ZNF623: variants seen among roughly 807,000 people sequenced by gnomAD.
ZNF623 encodes zinc finger protein 623.
Under a neutral mutation model 24.0 loss-of-function variants are expected in ZNF623, and 16 were observed. That is an observed-to-expected ratio of 0.67 (90% confidence interval 0.45 to 1.01). The LOEUF is 1.01. Ranked by LOEUF, ZNF623 falls within the 50% of genes least tolerant of loss-of-function variation. The probability of loss-of-function intolerance (pLI) is 0.00; values close to 1 mark genes in which losing one functional copy is unlikely to be tolerated. For synonymous variants in ZNF623, 224 were observed against 219.8 expected (o/e 1.02, Z -0.17); for missense variants, 566 against 606.5 (o/e 0.93, Z 0.70).
intron 1 of ZNF623, 57 bp from the exon 2 acceptor site, chr8:143,649,841 A>G (rs748074531): frequency 2.5e-6 from 4 of 1,568,632 alleles, no homozygotes; most frequent in East Asian, 2.3e-5. Context: ...GCCCTGATTC[A>G]GGAGATCCCC....
chr8:143,650,865 T>C lies in ZNF623; in HGVS notation c.873T>C (p.Ser291=), dbSNP rs373694021. Residue 291 remains serine, a synonymous_variant, in exon 2 of 2, where the codon AGT becomes AGC. Transcript: ENST00000526926. The surrounding 1 kb of genome is among the most constrained non-coding windows in gnomAD (Gnocchi z 5.2). ...AGTGTGGGAAAGCCTTTATTCGGAG[T>C]TCAAAGCTCATTCAGCATCAGAGGA... ...CNECGKAFIR[S]SKLIQHQRIH... 44 of 1,613,270 alleles carry C rather than the reference T, an allele frequency of 2.7e-5. No homozygotes were observed. The Middle Eastern group carries it at 9.9e-4, about 36-fold the overall frequency.
Position 143,650,370 on chromosome 8 carries a change from T to C in ZNF623, c.378T>C (p.Leu126=), listed in dbSNP as rs1815271341. 1.2e-6 allele frequency: 2 copies of C among 1,614,072 alleles called. No homozygotes were observed. The highest frequency in any genetic ancestry group is 1.7e-6 in the Non-Finnish European group (2 of 1,180,038). ...CGKGFGQSSH[L]MEHQRIHTGE... ...AAGGCTTTGGCCAGAGCTCACACCT[T>C]ATGGAGCATCAGAGAATTCACACTG... Residue 126 remains leucine (L), a synonymous_variant, in exon 2 of 2, where the codon CTT becomes CTC. Transcript: ENST00000526926. This position sits in a 1 kb window ranked among gnomAD's most constrained non-coding sequence, Gnocchi z 5.2.
chr8:143,637,855 A>G (rs908088938), intron 1 of ZNF623, among the ~76,000 whole-genome samples: 10 of 152,086 alleles, frequency 6.6e-5, no homozygotes, highest in Admixed American at 1.3e-4. Flanking sequence ...GCCTCAGGTG[A>G]TGTTTTATCC....
intron 1 of ZNF623, among the ~76,000 whole-genome samples, chr8:143,645,683 C>G (rs1476338045): frequency 1.3e-5 from 2 of 152,146 alleles, no homozygotes; most frequent in Non-Finnish European, 2.9e-5. Flanking sequence ...CGCCTGCTTT[C>G]CTCCACGTCC....
intron 1 of ZNF623, among the ~76,000 whole-genome samples, chr8:143,637,536 ATATTTATTTATT>A (rs72024244): frequency 4.6e-5 from 7 of 150,738 alleles, no homozygotes; most frequent in Non-Finnish European, 8.9e-5. Context: ...ATTTCAAGTG[ATATTTATTTATT>A]TATTTATTTA....
At chr8:143,639,147 C>T (rs202170215) in intron 1 of ZNF623, among the ~76,000 whole-genome samples, 1 of 151,990 alleles carries the variant, frequency 6.6e-6, no homozygotes, top group Non-Finnish European at 1.5e-5. Flanking sequence ...CTGCCTCGGC[C>T]TCCCAAAGTG....
At chr8:143,641,170 C>T (rs549886285) in intron 1 of ZNF623, among the ~76,000 whole-genome samples, 19 of 152,130 alleles carry the variant, frequency 1.2e-4, no homozygotes, top group Non-Finnish European at 2.8e-4. Context: ...ATGTTTTGAC[C>T]TCCTCCCATA....
At position 143,642,837 on chromosome 8, in the gene ZNF623, G is replaced by T. The variant is rs149259539; in HGVS notation, c.-96+6692G>T. ...GTTTTAGATTCCTGTTACCTGCCGG[G>T]CACCTGGCATGGGTGTGGAGGGCAG... On this transcript the variant is annotated intron_variant, in intron 1 of 1. Transcript: ENST00000526926. Among the ~76,000 whole-genome samples the T allele has an allele frequency of 4.6e-3, 694 of 152,300 alleles. 10 individuals are homozygous for T. In the South Asian group the frequency reaches 0.047, roughly 10 times the overall value.
At chr8:143,646,418 T>C (rs1815176641) in intron 1 of ZNF623, among the ~76,000 whole-genome samples, 2 of 152,186 alleles carry the variant, frequency 1.3e-5, no homozygotes, top group Non-Finnish European at 2.9e-5. Context: ...ATGAAATGTA[T>C]TACTTTATGC....
Position 143,650,557 on chromosome 8 carries a change from C to G in ZNF623, c.565C>G (p.His189Asp). ...AGACCTGATTAGGCACCAGAGAGTTCACACCAGAGAGAGACCTTTTGAATG... is the reference window on the plus strand; with the variant it reads ...AGACCTGATTAGGCACCAGAGAGTTGACACCAGAGAGAGACCTTTTGAATG... ...SSDLIRHQRV[H>D]TRERPFECKE... The change falls in exon 2 of 2, where the codon CAC becomes GAC. Residue 189 changes from histidine to aspartate, a missense_variant. By Grantham distance (81) the His-to-Asp change is moderately conservative. Coordinates refer to ENST00000526926, the MANE Select transcript of ZNF623 (RefSeq NM_001261843.2). This position sits in a 1 kb window ranked among gnomAD's most constrained non-coding sequence, Gnocchi z 5.2. The G allele has an allele frequency of 6.2e-6, 10 of 1,614,210 alleles. No individual in the cohort carries two copies. The highest frequency in any genetic ancestry group is 8.5e-6 in the Non-Finnish European group (10 of 1,180,040).
chr8:143,647,487 A>G (rs527584452), intron 1 of ZNF623, among the ~76,000 whole-genome samples: 1 of 152,322 alleles, frequency 6.6e-6, no homozygotes, highest in East Asian at 1.9e-4. Context: ...TAGTGTGACT[A>G]GGAGGGACTC....
rs1354277728 is a variant in ZNF623 at position 143,651,065 on chromosome 8, C to T, written c.1073C>T (p.Thr358Ile). 1.2e-6 allele frequency: 2 copies of T among 1,614,182 alleles called. No homozygotes were observed. The highest frequency in any genetic ancestry group is 1.7e-6 in the Non-Finnish European group (2 of 1,180,046). ...CTTATTCGACACCAGAAAATCCACA[C>T]TGGAGAGAGAGTGTATGAATGTAAG... ...SYLIRHQKIHTGERVYECKEC... is the reference protein window; with the variant it reads ...SYLIRHQKIHIGERVYECKEC... Residue 358 changes from threonine (T) to isoleucine (I), a missense_variant, in exon 2 of 2, where the codon ACT (threonine) becomes ATT (isoleucine). By Grantham distance (89) the Thr-to-Ile change is moderately conservative. Coordinates refer to ENST00000526926, the MANE Select transcript of ZNF623 (RefSeq NM_001261843.2).
intron 1 of ZNF623, among the ~76,000 whole-genome samples, chr8:143,648,878 G>A (rs1428549823): frequency 6.6e-6 from 1 of 152,046 alleles, no homozygotes; most frequent in Non-Finnish European, 1.5e-5. Context: ...GGAGTGCTGA[G>A]TTTGTAAGAA....
chr8:143,650,038 T>C lies in ZNF623; in HGVS notation c.46T>C (p.Leu16=). The C allele has an allele frequency of 6.2e-7, 1 of 1,614,036 alleles. No individual in the cohort carries two copies. Among genetic ancestry groups the C allele is most frequent in the South Asian group, 1.1e-5 (1 of 91,082 alleles). ...PESEEVHEPR[L]GELLGNPEGQ... is the part of the protein sequence containing the mutation. ...GTCTGAGGAAGTCCACGAGCCCAGA[T>C]TAGGGGAGCTCTTGGGAAATCCAGA... is the stretch of plus-strand genomic sequence containing the variant. Residue 16 remains leucine, a synonymous_variant, in exon 2 of 2, where the codon TTA becomes CTA. Coordinates refer to ENST00000526926, the MANE Select transcript of ZNF623 (RefSeq NM_001261843.2). This position sits in a 1 kb window ranked among gnomAD's most constrained non-coding sequence, Gnocchi z 5.2.
intron 1 of ZNF623, among the ~76,000 whole-genome samples, chr8:143,638,638 T>C (rs972536525): frequency 6.6e-6 from 1 of 151,452 alleles, no homozygotes; most frequent in Non-Finnish European, 1.5e-5. Context: ...CTTGGGAGGC[T>C]GAGGCAGGAG....
intron 1 of ZNF623, among the ~76,000 whole-genome samples, chr8:143,637,466 C>A (rs891035867): frequency 1.3e-5 from 2 of 152,138 alleles, no homozygotes; most frequent in African/African-American, 2.4e-5. Flanking sequence ...GATGGGACAC[C>A]CCTAGACACC....
chr8:143,650,586 A>G lies in ZNF623; in HGVS notation c.594A>G (p.Lys198=), dbSNP rs146821731. The part of the protein sequence containing the change: ...VHTRERPFEC[K]ECGKGFSQSS... ...CCAGAGAGAGACCTTTTGAATGCAA[A>G]GAGTGTGGGAAAGGCTTCAGTCAGA... Residue 198 remains lysine, a synonymous_variant, in exon 2 of 2, where the codon AAA becomes AAG. Transcript: ENST00000526926. The surrounding 1 kb of genome is among the most constrained non-coding windows in gnomAD (Gnocchi z 5.2). 5.9e-5 allele frequency: 96 copies of G among 1,613,988 alleles called. No individual in the cohort carries two copies. The African/African-American group carries it at 1.1e-3, about 19-fold the overall frequency.
chr8:143,638,264 C>G (rs1814968390), intron 1 of ZNF623, among the ~76,000 whole-genome samples: 1 of 149,174 alleles, frequency 6.7e-6, no homozygotes, highest in African/African-American at 2.5e-5. Flanking sequence ...TCACTTGAAC[C>G]TGGGAGGTGG....
chr8:143,641,298 A>G (rs535637552), intron 1 of ZNF623, among the ~76,000 whole-genome samples: 6 of 152,206 alleles, frequency 3.9e-5, no homozygotes, highest in African/African-American at 1.2e-4. Flanking sequence ...TGTGAAACAT[A>G]TTTCTTAATA....
Sources: gnomAD v4.1 joint callset for allele counts (sites outside exome capture counted in the v4.1 genomes callset) on GRCh38, gnomAD v4.1.1 for gene constraint, Gnocchi (gnomAD v3.1) non-coding constraint, MANE v1.5 for transcripts, NCBI Gene and HGNC (gene_info 2026-07-23, HGNC 2026-07-21) for gene names.